The following TBCD variants were observed in gnomAD, a reference collection of about 807,000 sequenced individuals.
TBCD encodes tubulin-specific chaperone D.
In TBCD, 105 loss-of-function variants were observed where a neutral mutation model predicts 169.3. That is an observed-to-expected ratio of 0.62 (90% confidence interval 0.53 to 0.73). The LOEUF is 0.73. TBCD is among the 30% of genes least tolerant of loss of function. The pLI, the probability that TBCD is intolerant of heterozygous loss-of-function variation, is 0.00. For missense variants in TBCD, 1,444 were observed against 1,600.1 expected, an observed-to-expected ratio of 0.90 and a Z score of 1.66; for synonymous variants, 700 against 643.9, an observed-to-expected ratio of 1.09 and a Z score of -1.32.
rs1374250382 is a variant in TBCD, at chr17:82,930,766, G to A, written c.3113+123G>A. On this transcript the variant is annotated intron_variant, in intron 33 of 38. Coordinates refer to ENST00000355528, the MANE Select transcript of TBCD (RefSeq NM_005993.5). This position sits in a 1 kb window ranked among gnomAD's most constrained non-coding sequence, Gnocchi z 5.2. The stretch of plus-strand genomic sequence containing the variant: ...GTCTGAAGGGAGAAGCGAGACACAC[G>A]CTGTACCAGTTGGTGGCTCAGCGAG... The A allele has an allele frequency of 1.4e-6, 2 of 1,452,524 alleles. No individual in the cohort carries two copies. Among genetic ancestry groups the A allele is most frequent in the Non-Finnish European group, 1.9e-6 (2 of 1,073,074 alleles). The allele number at this position is 1,452,524 out of a possible 1,614,324, so 90.0% of individuals were successfully genotyped here. A position where few individuals can be genotyped will look rare whatever the true frequency, so the allele number is the denominator to read the frequency against.
chr17:82,877,149 T>TAGAA (rs1473764002), intron 14 of TBCD, among the ~76,000 whole-genome samples: 1 of 152,250 alleles, frequency 6.6e-6, no homozygotes, highest in Non-Finnish European at 1.5e-5. Context: ...GCAATAAAGA[T>TAGAA]AGAAGCCTGT....
intron 9 of TBCD, among the ~76,000 whole-genome samples, chr17:82,804,971 T>G (rs577255897): frequency 6.6e-6 from 1 of 152,358 alleles, no homozygotes; most frequent in East Asian, 1.9e-4. Context: ...CCTAAGCTGT[T>G]TGTCCTCTGG....
At chr17:82,927,061 A>G (rs527950442) in intron 28 of TBCD, 125 bp from the exon 29 acceptor site, 1 of 1,353,340 alleles carries the variant, frequency 7.4e-7, no homozygotes, top group East Asian at 2.4e-5. Context: ...TTTCTGATCT[A>G]CCCGAGGGTC....
intron 38 of TBCD, chr17:82,941,845 G>A (rs2063314619): frequency 3.4e-6 from 1 of 296,690 alleles, no homozygotes; most frequent in South Asian, 6.6e-5. Flanking sequence ...GTGGGGCCGG[G>A]GCTGGGTGAG....
chr17:82,924,877 G>C, intron 26 of TBCD, 62 bp from the exon 27 acceptor site: 1 of 1,351,648 alleles, frequency 7.4e-7, no homozygotes, highest in Non-Finnish European at 1.0e-6. Flanking sequence ...GGCACACGTC[G>C]GGTGTGGCTG....
At position 82,884,205 on chromosome 17, in the gene TBCD, A is replaced by G. The variant is rs1381014026; in HGVS notation, c.1533+3A>G. ...TAAACTGCAGAAGAGCAGCCTCTGT[A>G]AGTTTTCTCATTTTGATATTTCCTT... On this transcript the variant is annotated splice_donor_region_variant and intron_variant, in intron 15 of 38. Transcript: ENST00000355528. The surrounding 1 kb of genome is among the most constrained non-coding windows in gnomAD (Gnocchi z 4.2). 6.2e-7 allele frequency: 1 copy of G among 1,603,858 alleles called. No homozygotes were observed. Among genetic ancestry groups the G allele is most frequent in the Non-Finnish European group, 8.5e-7 (1 of 1,174,582 alleles).
chr17:82,760,262 C>T (rs553343606), intron 2 of TBCD, among the ~76,000 whole-genome samples: 140 of 152,138 alleles, frequency 9.2e-4, no homozygotes, highest in Non-Finnish European at 1.7e-3. Flanking sequence ...TTCATTAATG[C>T]GGATGAACTC....
chr17:82,873,690 C>G (rs561449076), intron 14 of TBCD, among the ~76,000 whole-genome samples: 59 of 152,246 alleles, frequency 3.9e-4, no homozygotes, highest in African/African-American at 1.4e-3. Flanking sequence ...AAAAACCTGC[C>G]GATGCGCGGG....
rs201585600 is a variant in TBCD at position 82,926,494 on chromosome 17, G to A, written c.2471+3G>A. On this transcript the variant is annotated splice_donor_region_variant and intron_variant, in intron 28 of 38. Coordinates refer to ENST00000355528, the MANE Select transcript of TBCD (RefSeq NM_005993.5). Reference sequence around the variant, plus strand: ...GACGGCTTGAAGGCCATTGCGAGGTGAGTCCCAACAGTTCCTCCCTAAAGT... The same window carrying A: ...GACGGCTTGAAGGCCATTGCGAGGTAAGTCCCAACAGTTCCTCCCTAAAGT... 6.2e-6 allele frequency: 10 copies of A among 1,613,368 alleles called. 1 individual carries two copies. The highest frequency in any genetic ancestry group is 2.2e-5 in the East Asian group (1 of 44,892).
chr17:82,940,913 A>G (rs533118033), intron 37 of TBCD, among the ~76,000 whole-genome samples: 1 of 152,308 alleles, frequency 6.6e-6, no homozygotes, highest in South Asian at 2.1e-4. Context: ...AGGAACTAGC[A>G]GGGTGGGCCT....
chr17:82,920,854 C>T lies in TBCD; in HGVS notation c.2101+236C>T, dbSNP rs2061380752. ...CCCGCCGTCACCTCAGTACCCCCAC[C>T]TCCTCGCTTCCATGCCCAGGGCCCG... On this transcript the variant is annotated intron_variant, in intron 24 of 38. Coordinates refer to ENST00000355528, the MANE Select transcript of TBCD (RefSeq NM_005993.5). This position sits in a 1 kb window ranked among gnomAD's most constrained non-coding sequence, Gnocchi z 4.1. Among the ~76,000 whole-genome samples, 4 of 152,220 alleles carry T rather than the reference C, an allele frequency of 2.6e-5. No homozygotes were observed. Among genetic ancestry groups the T allele is most frequent in the Admixed American group, 1.3e-4 (2 of 15,290 alleles).
rs1036044255 is a variant in TBCD, at chr17:82,888,560, C to T, written c.1534-1108C>T. ...AATTTGCAAAGCAGCAGTCAGGCCT[C>T]CTCCCAGCCTGCTGTGAAGCGCCTG... is the stretch of plus-strand genomic sequence containing the variant. On this transcript the variant is annotated intron_variant, in intron 15 of 38. Coordinates refer to ENST00000355528, the MANE Select transcript of TBCD (RefSeq NM_005993.5). Among the ~76,000 whole-genome samples the T allele has an allele frequency of 1.2e-4, 19 of 152,254 alleles. 1 individual carries two copies. The highest frequency in any genetic ancestry group is 4.3e-4 in the African/African-American group (18 of 41,464).
At chr17:82,827,732 TAC>T (rs202166972) in intron 13 of TBCD, among the ~76,000 whole-genome samples, 6 of 149,498 alleles carry the variant, frequency 4.0e-5, no homozygotes, top group Non-Finnish European at 8.9e-5. Context: ...CACCCACAGA[TAC>T]ACACACGTGC....
In TBCD at chr17:82,752,224, G is replaced by C. The variant is rs1044663167; in HGVS notation, c.31G>C (p.Gly11Arg). MALSDEPAAG[G>R]PEEEAEDETL... is the part of the protein sequence containing the mutation. ...CCTGAGCGACGAACCGGCCGCGGGC[G>C]GCCCCGAGGAGGAGGCGGAGGACGA... Residue 11 changes from glycine (G) to arginine (R), a missense_variant, in exon 1 of 39, where the codon GGC (glycine) becomes CGC (arginine). Physicochemically the swap from Gly to Arg is moderately radical, Grantham distance 125 (BLOSUM62 -2). Transcript: ENST00000355528. 3.1e-5 allele frequency: 47 copies of C among 1,524,842 alleles called. No homozygotes were observed. The highest frequency in any genetic ancestry group is 4.0e-5 in the Non-Finnish European group (46 of 1,139,134). 94.5% of individuals were successfully genotyped at this position (1,524,842 alleles called of 1,614,324 possible). A position where few individuals can be genotyped will look rare whatever the true frequency, so the allele number is the denominator to read the frequency against.
intron 13 of TBCD, chr17:82,859,813 C>T (rs185785457): frequency 1.0e-6 from 1 of 985,444 alleles, no homozygotes. Context: ...ATGGCAGTGA[C>T]CCAGAAAGAT....
Position 82,782,035 on chromosome 17 carries a change from A to T in TBCD, c.771+314A>T, listed in dbSNP as rs370775830. On this transcript the variant is annotated intron_variant, in intron 7 of 38. Coordinates refer to ENST00000355528, the MANE Select transcript of TBCD (RefSeq NM_005993.5). This position sits in a 1 kb window ranked among gnomAD's most constrained non-coding sequence, Gnocchi z 5.1. ...ATCTGGGCTGCTTAGTTCCTGTTTA[A>T]GTGCAGAGACTGAACGAGCTCTAAT... Among the ~76,000 whole-genome samples the T allele has an allele frequency of 7.7e-4, 118 of 152,334 alleles. No individual in the cohort carries two copies. Among genetic ancestry groups the T allele is most frequent in the Middle Eastern group, 6.8e-3 (2 of 294 alleles).
chr17:82,805,210 A>G (rs1318899617), intron 9 of TBCD, among the ~76,000 whole-genome samples: 1 of 152,170 alleles, frequency 6.6e-6, no homozygotes, highest in African/African-American at 2.4e-5. Context: ...CTGCGTTCCC[A>G]TTTTATAGAG....
intron 13 of TBCD, among the ~76,000 whole-genome samples, chr17:82,854,961 ACCT>A: frequency 6.6e-6 from 1 of 152,264 alleles, no homozygotes; most frequent in South Asian, 2.1e-4. Context: ...GAAAGGCCAC[ACCT>A]CCTAACACCG....
At chr17:82,766,684 C>T (rs952542319) in intron 4 of TBCD, among the ~76,000 whole-genome samples, 3 of 152,112 alleles carry the variant, frequency 2.0e-5, no homozygotes, top group Non-Finnish European at 2.9e-5. Flanking sequence ...AAGACCACCC[C>T]CAGGTTTGAT....
Sources: gnomAD v4.1 joint callset for allele counts (sites outside exome capture counted in the v4.1 genomes callset) on GRCh38, gnomAD v4.1.1 for gene constraint, Gnocchi (gnomAD v3.1) non-coding constraint, MANE v1.5 for transcripts, NCBI Gene and HGNC (gene_info 2026-07-23, HGNC 2026-07-21) for gene names.